RAI1: variants seen among roughly 807,000 people sequenced by gnomAD.
RAI1 encodes retinoic acid induced 1.
In RAI1, 9 loss-of-function variants were observed where a neutral mutation model predicts 123.8. That is an observed-to-expected ratio of 0.07 (90% CI 0.04 to 0.13). The LOEUF (loss-of-function observed/expected upper bound fraction) is 0.13, where lower values mean the gene tolerates loss of function less well. Ranked by LOEUF, RAI1 falls within the 10% of genes least tolerant of loss-of-function variation. The pLI is 1.00. For synonymous variants in RAI1, 1,231 were observed against 1,127.3 expected (o/e 1.09, Z -1.84); for missense variants, 2,256 against 2,545.8 (o/e 0.89, Z 2.45).
At chr17:17,775,758 G>T (rs1412105983) in intron 2 of RAI1, among the ~76,000 whole-genome samples, 1 of 152,178 alleles carries the variant, frequency 6.6e-6, no homozygotes, top group Non-Finnish European at 1.5e-5. Flanking sequence ...GGGTGGTGGA[G>T]GGGGAGGCAG....
intron 1 of RAI1, among the ~76,000 whole-genome samples, chr17:17,687,362 G>A (rs1235314535): frequency 6.6e-6 from 1 of 152,076 alleles, no homozygotes; most frequent in Non-Finnish European, 1.5e-5. Flanking sequence ...GGGAAGAGTG[G>A]ACTGCTCTTG....
At chr17:17,775,087 T>A (rs568553435) in intron 2 of RAI1, among the ~76,000 whole-genome samples, 1 of 152,128 alleles carries the variant, frequency 6.6e-6, no homozygotes, top group South Asian at 2.1e-4. Flanking sequence ...CAGGTAGAAA[T>A]AGAATGAAAA....
chr17:17,785,476 G>C (rs1208670588), intron 2 of RAI1, among the ~76,000 whole-genome samples: 1 of 152,236 alleles, frequency 6.6e-6, no homozygotes, highest in Non-Finnish European at 1.5e-5. Context: ...CTACGTTCTA[G>C]TGAGGGAGGC....
At position 17,800,314 on chromosome 17, in the gene RAI1, G is replaced by T. The variant is rs967302457; in HGVS notation, c.5565+1801G>T. On this transcript the variant is annotated intron_variant, in intron 3 of 5. Coordinates refer to ENST00000353383, the MANE Select transcript of RAI1 (RefSeq NM_030665.4). This position sits in a 1 kb window ranked among gnomAD's most constrained non-coding sequence, Gnocchi z 4.7. ...AATAACCCTCAGATCACCAGCCCCA[G>T]CTGGCTGCCACCTCCCCTGCTTCAC... is the stretch of plus-strand genomic sequence containing the variant. 6.6e-6 allele frequency among the ~76,000 whole-genome samples: 1 copy of T among 151,272 alleles called. No individual in the cohort carries two copies. The highest frequency in any genetic ancestry group is 1.5e-5 in the Non-Finnish European group (1 of 67,884).
At chr17:17,747,689 A>G (rs2029980572) in intron 2 of RAI1, among the ~76,000 whole-genome samples, 1 of 152,116 alleles carries the variant, frequency 6.6e-6, no homozygotes, top group South Asian at 2.1e-4. Context: ...TCGCTTCTAG[A>G]TGGAGGCCAC....
chr17:17,687,751 G>C (rs1914687848), intron 1 of RAI1, among the ~76,000 whole-genome samples: 2 of 152,024 alleles, frequency 1.3e-5, no homozygotes, highest in Admixed American at 6.6e-5. Flanking sequence ...AAGGTGAGCT[G>C]GGGCGCCGTG....
chr17:17,796,233 C>G lies in RAI1; in HGVS notation c.3285C>G (p.Gly1095=). 1 of 1,569,034 alleles carries G rather than the reference C, an allele frequency of 6.4e-7. No homozygotes were observed. Among genetic ancestry groups the G allele is most frequent in the Non-Finnish European group, 8.6e-7 (1 of 1,156,660 alleles). Residue 1095 remains glycine (G), a synonymous_variant, in exon 3 of 6, where the codon GGC becomes GGG. Transcript: ENST00000353383. The surrounding 1 kb of genome is among the most constrained non-coding windows in gnomAD (Gnocchi z 5.8). ...GGKQRAAFKS[G]KRVGKPSPKA... is the part of the protein sequence containing the mutation. ...AGCAGCGAGCCGCCTTCAAGTCGGG[C>G]AAGCGGGTGGGGAAGCCCTCACCCA...
chr17:17,738,788 T>G (rs1349849290), intron 2 of RAI1, among the ~76,000 whole-genome samples: 1 of 152,190 alleles, frequency 6.6e-6, no homozygotes, highest in African/African-American at 2.4e-5. Context: ...CTTCTGGGTG[T>G]CAGTCTTCTC....
In RAI1 at chr17:17,809,947, T is replaced by C; in HGVS notation, c.5710-23T>C. ...TGTGAAGTCCGAGGTCGTCGGTAAC[T>C]GGCGGGCGGGCGTCTTTTGCAGAGG... is the stretch of plus-strand genomic sequence containing the variant. On this transcript the variant is annotated intron_variant, in intron 5 of 5. Coordinates refer to ENST00000353383, the MANE Select transcript of RAI1 (RefSeq NM_030665.4). The surrounding 1 kb of genome is among the most constrained non-coding windows in gnomAD (Gnocchi z 4.9). 1.3e-6 allele frequency: 2 copies of C among 1,559,068 alleles called. No individual in the cohort carries two copies. Among genetic ancestry groups the C allele is most frequent in the Non-Finnish European group, 1.7e-6 (2 of 1,153,486 alleles).
At chr17:17,783,574 G>T (rs1468181026) in intron 2 of RAI1, among the ~76,000 whole-genome samples, 1 of 152,182 alleles carries the variant, frequency 6.6e-6, no homozygotes, top group Non-Finnish European at 1.5e-5. Flanking sequence ...CACACACCCT[G>T]CGCTGCTCCC....
At chr17:17,785,717 C>A (rs2031804086) in intron 2 of RAI1, among the ~76,000 whole-genome samples, 1 of 152,172 alleles carries the variant, frequency 6.6e-6, no homozygotes, top group Admixed American at 6.5e-5. Context: ...ACGGGTCTGC[C>A]CTGCCTCCCC....
At position 17,795,068 on chromosome 17, in the gene RAI1, C is replaced by G. The variant is rs767038093; in HGVS notation, c.2120C>G (p.Ser707Cys). 4.3e-6 allele frequency: 7 copies of G among 1,614,168 alleles called. No individual in the cohort carries two copies. In the East Asian group the frequency reaches 1.6e-4, roughly 36 times the overall value. Residue 707 changes from serine to cysteine, a missense_variant, in exon 3 of 6, where the codon TCC (serine) becomes TGC (cysteine). Physicochemically the swap from Ser to Cys is moderately radical, Grantham distance 112 (BLOSUM62 -1). Around this residue, in one of 7 missense-constraint regions of RAI1, gnomAD observed 566 missense variants for 616.0 expected, o/e 0.92. Coordinates refer to ENST00000353383, the MANE Select transcript of RAI1 (RefSeq NM_030665.4). The surrounding 1 kb of genome is among the most constrained non-coding windows in gnomAD (Gnocchi z 5.9). ...PDPKKTTGPLSFGTKPTLGVP... is the reference protein window; with the variant it reads ...PDPKKTTGPLCFGTKPTLGVP... The stretch of plus-strand genomic sequence containing the variant: ...CCCAAAAAGACAACTGGTCCTCTCT[C>G]CTTTGGTACCAAGCCCACCCTTGGG...
rs1413685870 is a variant in RAI1, at chr17:17,809,477, A to C, written c.5709+38A>C. 1 of 1,554,752 alleles carries C rather than the reference A, an allele frequency of 6.4e-7. No homozygotes were observed. Reference sequence around the variant, plus strand: ...AGTGTTTTGTAGGGCGAGGGGTGTCAAGCGGGAGAGGAGCCCCACCTCGCA... The same window carrying C: ...AGTGTTTTGTAGGGCGAGGGGTGTCCAGCGGGAGAGGAGCCCCACCTCGCA... On this transcript the variant is annotated intron_variant, in intron 5 of 5. Coordinates refer to ENST00000353383, the MANE Select transcript of RAI1 (RefSeq NM_030665.4). This position sits in a 1 kb window ranked among gnomAD's most constrained non-coding sequence, Gnocchi z 4.9.
At chr17:17,773,585 C>T (rs1373994652) in intron 2 of RAI1, among the ~76,000 whole-genome samples, 1 of 152,170 alleles carries the variant, frequency 6.6e-6, no homozygotes, top group East Asian at 1.9e-4. Flanking sequence ...ATGTTCTTTG[C>T]AGTTTCTCTG....
intron 2 of RAI1, among the ~76,000 whole-genome samples, chr17:17,758,098 CTAT>C (rs764593846): frequency 2.6e-4 from 39 of 152,338 alleles, no homozygotes; most frequent in Non-Finnish European, 2.4e-4. Context: ...AAACCTTCAT[CTAT>C]TATTAACGCT....
chr17:17,759,151 GT>G (rs2142991863), intron 2 of RAI1: 1 of 152,374 alleles, frequency 6.6e-6, no homozygotes, highest in East Asian at 1.9e-4. Flanking sequence ...TCTGCAAGCT[GT>G]TAAGATGCAC....
rs1245263522 is a variant in RAI1, at chr17:17,810,229, C to G, written c.*248C>G. The G allele has an allele frequency of 3.5e-6, 2 of 573,756 alleles. No individual in the cohort carries two copies. Among genetic ancestry groups the G allele is most frequent in the Non-Finnish European group, 6.0e-6 (2 of 335,934 alleles). 35.5% of individuals were successfully genotyped at this position (573,756 alleles called of 1,614,324 possible). On this transcript the variant is annotated 3_prime_UTR_variant, in exon 6 of 6. Transcript: ENST00000353383. This position sits in a 1 kb window ranked among gnomAD's most constrained non-coding sequence, Gnocchi z 4.6. ...AACCGGACGGCACAGGGCGTTCTTGCCCACCCCAGGGGCCAGGCTTGCGGA... is the reference window on the plus strand; with the variant it reads ...AACCGGACGGCACAGGGCGTTCTTGGCCACCCCAGGGGCCAGGCTTGCGGA...
At chr17:17,684,686 A>AT (rs1567817650) in intron 1 of RAI1, 1 of 46,500 alleles carries the variant, frequency 2.2e-5, no homozygotes, top group Non-Finnish European at 6.3e-5. Context: ...ATATATATAT[A>AT]TATATATATA....
chr17:17,726,514 A>G (rs888193668), intron 2 of RAI1, among the ~76,000 whole-genome samples: 2 of 152,260 alleles, frequency 1.3e-5, no homozygotes. Context: ...TCCGTTTTCA[A>G]GAACCTTTTT....
Sources: allele counts gnomAD v4.1 joint callset (sites outside exome capture counted in the v4.1 genomes callset), GRCh38; gene constraint gnomAD v4.1.1; regional missense constraint gnomAD v4.1.1; non-coding constraint Gnocchi (gnomAD v3.1); transcripts MANE v1.5; gene names NCBI Gene and HGNC (gene_info 2026-07-23, HGNC 2026-07-21).